The following ADAMTS17 variants were observed in gnomAD, a reference collection of about 807,000 sequenced individuals.
The protein encoded by ADAMTS17 is ADAM metallopeptidase with thrombospondin type 1 motif 17.
ADAMTS17 carries 113 observed loss-of-function variants against 141.5 expected under a neutral mutation model. That is an observed-to-expected ratio of 0.80 (90% CI 0.69 to 0.93). The LOEUF is 0.93. Ranked by LOEUF, ADAMTS17 falls within the 40% of genes least tolerant of loss-of-function variation. The pLI, the probability that ADAMTS17 is intolerant of heterozygous loss-of-function variation, is 0.00. For missense variants in ADAMTS17, 1,659 were observed against 1,517.9 expected, an observed-to-expected ratio of 1.09 and a Z score of -1.54; for synonymous variants, 768 against 630.6, an observed-to-expected ratio of 1.22 and a Z score of -3.27.
At chr15:100,326,035 G>A (rs2045890195) in intron 3 of ADAMTS17, among the ~76,000 whole-genome samples, 1 of 152,102 alleles carries the variant, frequency 6.6e-6, no homozygotes, top group Non-Finnish European at 1.5e-5. Context: ...CAGCTTTGGA[G>A]CAGCCTCTTC....
chr15:100,003,408 G>A (rs972605703), intron 18 of ADAMTS17, among the ~76,000 whole-genome samples: 3 of 152,098 alleles, frequency 2.0e-5, no homozygotes, highest in Non-Finnish European at 4.4e-5. Context: ...CTGCCTCAGG[G>A]TTGGGGAAGT....
chr15:100,243,470 C>G (rs2042888843), intron 7 of ADAMTS17, among the ~76,000 whole-genome samples: 1 of 152,186 alleles, frequency 6.6e-6, no homozygotes, highest in Non-Finnish European at 1.5e-5. Flanking sequence ...ACATCCTCGC[C>G]AACATTTGTT....
chr15:100,301,228 G>C (rs947428101), intron 3 of ADAMTS17, among the ~76,000 whole-genome samples: 2 of 151,948 alleles, frequency 1.3e-5, no homozygotes, highest in Non-Finnish European at 2.9e-5. Context: ...TTCAACTGGG[G>C]ATTTTAACAC....
rs952935479 is a variant in ADAMTS17, at chr15:100,116,770, C to T, written c.1888+77G>A. 1.3e-4 allele frequency: 205 copies of T among 1,598,110 alleles called. 3 individuals are homozygous for T. In the South Asian group the frequency reaches 1.9e-3, roughly 15 times the overall value. On this transcript the variant is annotated intron_variant, in intron 13 of 21. Coordinates refer to ENST00000268070, the MANE Select transcript of ADAMTS17 (RefSeq NM_139057.4). ...GTTGGTTTGGGAAAGGGATGCCCCCCGGCTTCCCTAGGTGGTTTTTATATT... is the reference window on the plus strand; with the variant it reads ...GTTGGTTTGGGAAAGGGATGCCCCCTGGCTTCCCTAGGTGGTTTTTATATT...
At chr15:100,025,335 T>C (rs1378284688) in intron 18 of ADAMTS17, among the ~76,000 whole-genome samples, 4 of 152,110 alleles carry the variant, frequency 2.6e-5, no homozygotes, top group African/African-American at 9.7e-5. Context: ...CGGTTTCTTT[T>C]AGGTGTGTTT....
chr15:100,261,455 G>A (rs775795249), intron 6 of ADAMTS17, 24 bp downstream of exon 6: 2 of 1,613,404 alleles, frequency 1.2e-6, no homozygotes, highest in Non-Finnish European at 1.7e-6. Context: ...TCACATGTCA[G>A]CTACAGGCCA....
chr15:100,309,783 C>T (rs2045344651), intron 3 of ADAMTS17, among the ~76,000 whole-genome samples: 1 of 152,220 alleles, frequency 6.6e-6, no homozygotes, highest in Non-Finnish European at 1.5e-5. Context: ...TCTGGGCCCA[C>T]CCCAACTGCC....
intron 2 of ADAMTS17, among the ~76,000 whole-genome samples, 184 bp from the exon 3 acceptor site, chr15:100,331,238 T>C (rs993045974): frequency 1.3e-5 from 2 of 152,160 alleles, no homozygotes; most frequent in Non-Finnish European, 2.9e-5. Context: ...CTTACAAACA[T>C]ACCACAGAGC....
intron 3 of ADAMTS17, among the ~76,000 whole-genome samples, chr15:100,329,439 T>C (rs1398252701): frequency 1.3e-5 from 2 of 150,298 alleles, no homozygotes; most frequent in African/African-American, 4.9e-5. Context: ...GGAGCGAGGA[T>C]CACCTGAGCG....
chr15:100,098,848 C>A (rs74037357), intron 14 of ADAMTS17, among the ~76,000 whole-genome samples: 8,467 of 152,214 alleles, frequency 0.056, 413 homozygotes, highest in South Asian at 0.16. Context: ...GGCCAATGCC[C>A]ACAGAGCTGG....
intron 7 of ADAMTS17, among the ~76,000 whole-genome samples, chr15:100,233,748 G>A (rs2042564492): frequency 1.3e-5 from 2 of 152,056 alleles, no homozygotes; most frequent in African/African-American, 4.8e-5. Flanking sequence ...GGAAGAGAGC[G>A]AGTTATGGAG....
chr15:100,203,547 T>C (rs994913361), intron 7 of ADAMTS17, among the ~76,000 whole-genome samples: 1 of 151,846 alleles, frequency 6.6e-6, no homozygotes, highest in Non-Finnish European at 1.5e-5. Flanking sequence ...CTACTAAAAA[T>C]ACAAAAAATT....
At chr15:100,311,425 G>A (rs2045401845) in intron 3 of ADAMTS17, among the ~76,000 whole-genome samples, 1 of 152,216 alleles carries the variant, frequency 6.6e-6, no homozygotes, top group African/African-American at 2.4e-5. Flanking sequence ...GCTTCCCTGA[G>A]CCACCTGGAC....
chr15:99,983,852 G>A (rs887556700), intron 20 of ADAMTS17, among the ~76,000 whole-genome samples: 3 of 152,206 alleles, frequency 2.0e-5, no homozygotes, highest in Admixed American at 6.5e-5. Flanking sequence ...AATCCTGACA[G>A]TAACTGCAGT....
At chr15:100,330,341 G>A (rs1325120552) in intron 3 of ADAMTS17, among the ~76,000 whole-genome samples, 4 of 152,188 alleles carry the variant, frequency 2.6e-5, no homozygotes, top group Admixed American at 6.5e-5. Context: ...TGGAGGACCC[G>A]TGAAACTACA....
rs548120069 is a variant in ADAMTS17, at chr15:100,240,694, C to T, written c.1075+13442G>A. Reference sequence around the variant, plus strand: ...CCAGAACTCAGTCCTTTTCTTTCATCTTGTCACTTCTAAGAATGTATTATT... The same window carrying T: ...CCAGAACTCAGTCCTTTTCTTTCATTTTGTCACTTCTAAGAATGTATTATT... On this transcript the variant is annotated intron_variant, in intron 7 of 21. Coordinates refer to ENST00000268070, the MANE Select transcript of ADAMTS17 (RefSeq NM_139057.4). Among the ~76,000 whole-genome samples, 10 of 152,356 alleles carry T rather than the reference C, an allele frequency of 6.6e-5. No homozygotes were observed. In the South Asian group the frequency reaches 2.1e-3, roughly 32 times the overall value.
In ADAMTS17 at chr15:100,088,682, A is replaced by G. The variant is rs1237613091; in HGVS notation, c.2137+7674T>C. 1.3e-3 allele frequency among the ~76,000 whole-genome samples: 191 copies of G among 151,958 alleles called. 1 individual carries two copies. The highest frequency in any genetic ancestry group is 0.01 in the Middle Eastern group (3 of 294). ...ACAGAACAGAGCCCTCAGAAATAAT[A>G]CCACACATCTACAACTATCTGATCT... On this transcript the variant is annotated intron_variant, in intron 15 of 21. Coordinates refer to ENST00000268070, the MANE Select transcript of ADAMTS17 (RefSeq NM_139057.4).
At chr15:99,982,821 T>G (rs899246357) in intron 20 of ADAMTS17, among the ~76,000 whole-genome samples, 2 of 152,040 alleles carry the variant, frequency 1.3e-5, no homozygotes, top group African/African-American at 4.8e-5. Flanking sequence ...TGGAGCCCCC[T>G]CCCCAGCAGG....
chr15:100,170,141 C>T (rs539509377), intron 8 of ADAMTS17, among the ~76,000 whole-genome samples: 11 of 151,920 alleles, frequency 7.2e-5, no homozygotes, highest in African/African-American at 1.7e-4. Context: ...GGAACGATGG[C>T]GGGGGGCATG....
Sources: gnomAD v4.1 joint callset for allele counts (sites outside exome capture counted in the v4.1 genomes callset) on GRCh38, gnomAD v4.1.1 for gene constraint, MANE v1.5 for transcripts, NCBI Gene and HGNC (gene_info 2026-07-23, HGNC 2026-07-21) for gene names.